Variants in PKD2 observed in about 807,000 individuals in gnomAD.
PKD2 encodes polycystin-2.
A neutral mutation model predicts 105.9 loss-of-function variants in PKD2; 48 were observed. The observed-to-expected ratio is 0.45, with a 90% CI of 0.36 to 0.58. PKD2 has a LOEUF of 0.58. Among genes scored for constraint, PKD2 ranks in the 20% least tolerant of loss-of-function variants. PKD2 has a pLI of 0.00. For synonymous variants in PKD2, 464 were observed against 481.1 expected, an observed-to-expected ratio of 0.96 and a Z score of 0.46; for missense variants, 1,078 against 1,255.3, an observed-to-expected ratio of 0.86 and a Z score of 2.13.
intron 5 of PKD2, among the ~76,000 whole-genome samples, chr4:88,044,790 C>T (rs980227376): frequency 2.0e-5 from 3 of 151,996 alleles, no homozygotes; most frequent in Non-Finnish European, 4.4e-5. Flanking sequence ...TCCACTTGTG[C>T]GTTCATGGCG....
At chr4:88,065,240 T>C in intron 10 of PKD2, 134 bp from the exon 11 acceptor site, 1 of 780,912 alleles carries the variant, frequency 1.3e-6, no homozygotes, top group Non-Finnish European at 2.2e-6. Flanking sequence ...TAATTCTTCA[T>C]TCATCCAGCA....
In PKD2 at chr4:88,007,770, G is replaced by C. The variant is rs1228430587; in HGVS notation, c.37G>C (p.Gly13Arg). The change falls in exon 1 of 15, where the codon GGG becomes CGG. Residue 13 changes from glycine to arginine, a missense_variant. Physicochemically the swap from Gly to Arg is moderately radical, Grantham distance 125 (BLOSUM62 -2). Transcript: ENST00000237596. ...NSSRVQPQQP[G>R]DAKRPPAPRA... The stretch of plus-strand genomic sequence containing the variant: ...CAGTCGCGTGCAGCCTCAGCAGCCC[G>C]GGGACGCCAAGCGGCCGCCCGCGCC... 21 of 1,180,918 alleles carry C rather than the reference G, an allele frequency of 1.8e-5. No homozygotes were observed. The highest frequency in any genetic ancestry group is 2.2e-5 in the Non-Finnish European group (21 of 946,278). 73.2% of individuals were successfully genotyped at this position (1,180,918 alleles called of 1,614,324 possible). A position where few individuals can be genotyped will look rare whatever the true frequency, so the allele number is the denominator to read the frequency against.
intron 2 of PKD2, among the ~76,000 whole-genome samples, chr4:88,022,771 A>T (rs1240836763): frequency 6.6e-6 from 1 of 152,156 alleles, no homozygotes; most frequent in East Asian, 1.9e-4. Flanking sequence ...TAAATACCTG[A>T]GACTGGGTAA....
At chr4:88,073,824 T>TA (rs1721129256) in intron 13 of PKD2, among the ~76,000 whole-genome samples, 1 of 152,208 alleles carries the variant, frequency 6.6e-6, no homozygotes, top group South Asian at 2.1e-4. Flanking sequence ...ATTTGAGTTT[T>TA]AAAAAATAAT....
At chr4:88,039,853 A>G (rs1450747245) in intron 4 of PKD2, among the ~76,000 whole-genome samples, 1 of 152,048 alleles carries the variant, frequency 6.6e-6, no homozygotes, top group East Asian at 1.9e-4. Flanking sequence ...GCAGTCCTCC[A>G]GCCTCAGCCT....
In PKD2 at chr4:88,076,203, TAA is replaced by T. The variant is rs570887943; in HGVS notation, c.*512_*513del. 3.0e-3 allele frequency: 475 copies of T among 159,702 alleles called. 4 individuals are homozygous for T. The highest frequency in any genetic ancestry group is 6.7e-3 in the Middle Eastern group (2 of 300). The allele number at this position is 159,702 out of a possible 1,614,324, so 9.9% of individuals were successfully genotyped here. On this transcript the variant is annotated 3_prime_UTR_variant, in exon 15 of 15. Coordinates refer to ENST00000237596, the MANE Select transcript of PKD2 (RefSeq NM_000297.4). ...ACTAGCTTCCTGGGGTAAACTTTTC[TAA>T]AAGATAAAATGGAAAGGAACTCCAA...
At position 88,061,906 on chromosome 4, in the gene PKD2, AAT is replaced by A. The variant is rs1720589478; in HGVS notation, c.2023_2024del (p.Met675ValfsTer7). 1 of 1,456,394 alleles carries A rather than the reference AAT, an allele frequency of 6.9e-7. No individual in the cohort carries two copies. The highest frequency in any genetic ancestry group is 9.6e-7 in the Non-Finnish European group (1 of 1,036,464). The allele number at this position is 1,456,394 out of a possible 1,614,324, so 90.2% of individuals were successfully genotyped here. Reference protein sequence around the residue: ...FVFFMFFILLNMFLAIINDTY... With the variant: ...FVFFMFFILLXMFLAIINDTY... ...TTGCCCTCCTTTCATTTACAAACAG[AAT>A]ATGTTTTTGGCTATCATCAATGATA... On this transcript the variant is annotated frameshift_variant and splice_region_variant, in exon 10 of 15. Transcript: ENST00000237596. LOFTEE classifies it high-confidence loss of function.
At chr4:88,008,981 G>T (rs1014432174) in intron 1 of PKD2, among the ~76,000 whole-genome samples, 2 of 152,196 alleles carry the variant, frequency 1.3e-5, no homozygotes, top group African/African-American at 4.8e-5. Flanking sequence ...TCTAAAAACA[G>T]TTGCAAAGGA....
chr4:88,038,069 C>T (rs1337259735), intron 3 of PKD2, among the ~76,000 whole-genome samples, 182 bp from the exon 4 acceptor site: 1 of 152,192 alleles, frequency 6.6e-6, no homozygotes, highest in Non-Finnish European at 1.5e-5. Context: ...CTGCTCAAGG[C>T]CTCATAGCTA....
intron 10 of PKD2, among the ~76,000 whole-genome samples, 170 bp from the exon 11 acceptor site, chr4:88,065,204 A>G (rs1468182072): frequency 6.6e-6 from 1 of 152,218 alleles, no homozygotes; most frequent in Non-Finnish European, 1.5e-5. Flanking sequence ...CTGTTCCACA[A>G]GTGTTTTATG....
intron 2 of PKD2, among the ~76,000 whole-genome samples, chr4:88,022,216 A>T (rs552108381): frequency 3.3e-5 from 5 of 152,162 alleles, no homozygotes; most frequent in Admixed American, 6.5e-5. Context: ...TCTTGTTAGG[A>T]TCTGCCCATT....
chr4:88,027,833 T>C (rs199600761), intron 2 of PKD2, among the ~76,000 whole-genome samples: 5 of 148,818 alleles, frequency 3.4e-5, no homozygotes. Flanking sequence ...GTGTCTGGGC[T>C]TCCCCCTTTT....
chr4:88,020,690 T>TC (rs1463230678), intron 2 of PKD2, among the ~76,000 whole-genome samples: 1 of 151,870 alleles, frequency 6.6e-6, no homozygotes, highest in African/African-American at 2.4e-5. Flanking sequence ...TTCCTTTTTT[T>TC]TTTTTTTTTT....
intron 2 of PKD2, among the ~76,000 whole-genome samples, chr4:88,026,150 G>A (rs1726951731): frequency 6.6e-6 from 1 of 152,208 alleles, no homozygotes; most frequent in African/African-American, 2.4e-5. Flanking sequence ...GGGCTCAGAA[G>A]AAGACAGGAA....
intron 2 of PKD2, among the ~76,000 whole-genome samples, chr4:88,032,241 T>G (rs781701092): frequency 1.3e-5 from 2 of 152,224 alleles, no homozygotes; most frequent in Non-Finnish European, 2.9e-5. Flanking sequence ...ATATATACTA[T>G]TCTACAATAC....
intron 4 of PKD2, among the ~76,000 whole-genome samples, chr4:88,040,091 A>G (rs1412965845): frequency 2.6e-5 from 4 of 152,188 alleles, no homozygotes; most frequent in Non-Finnish European, 4.4e-5. Flanking sequence ...TGCCTTCACA[A>G]AACAACTCTA....
Position 88,056,242 on chromosome 4 carries a change from G to A in PKD2, c.1873G>A (p.Asp625Asn), listed in dbSNP as rs757573744. Reference protein sequence around the residue: ...AYLVFGTQVDDFSTFQECIFT... With the variant: ...AYLVFGTQVDNFSTFQECIFT... ...CCTTGTCTTTGGCACTCAGGTCGAT[G>A]ACTTCAGTACTTTCCAAGAGTGTAT... The change falls in exon 8 of 15, where the codon GAC (aspartate) becomes AAC (asparagine). Residue 625 changes from aspartate to asparagine, a missense_variant. Asp to Asn is a conservative substitution (Grantham distance 23). Coordinates refer to ENST00000237596, the MANE Select transcript of PKD2 (RefSeq NM_000297.4). The A allele has an allele frequency of 4.8e-5, 78 of 1,612,426 alleles. No homozygotes were observed. The highest frequency in any genetic ancestry group is 6.4e-5 in the Non-Finnish European group (76 of 1,178,740).
intron 1 of PKD2, among the ~76,000 whole-genome samples, chr4:88,012,199 T>C (rs764645318): frequency 2.6e-5 from 4 of 152,216 alleles, no homozygotes; most frequent in African/African-American, 4.8e-5. Context: ...ATTCATAGTT[T>C]TGTTTTTATC....
intron 12 of PKD2, 111 bp from the exon 13 acceptor site, chr4:88,067,787 G>T: frequency 2.2e-6 from 2 of 900,486 alleles, no homozygotes; most frequent in Non-Finnish European, 3.6e-6. Flanking sequence ...TAAATACAAA[G>T]AAATCCCAGG....
Sources: gnomAD v4.1 joint callset for allele counts (sites outside exome capture counted in the v4.1 genomes callset) on GRCh38, gnomAD v4.1.1 for gene constraint, MANE v1.5 for transcripts, NCBI Gene and HGNC (gene_info 2026-07-23, HGNC 2026-07-21) for gene names.